Variants in TANC2 observed in about 807,000 individuals in gnomAD.
The protein encoded by TANC2 is tetratricopeptide repeat, ankyrin repeat and coiled-coil containing 2, also known as protein TANC2.
TANC2 carries 26 observed loss-of-function variants against 210.5 expected under a neutral mutation model. The ratio of observed to expected loss-of-function variants is 0.12; its 90% CI spans 0.09 to 0.17. The LOEUF is 0.17. Among genes scored for constraint, TANC2 ranks in the 10% least tolerant of loss-of-function variants. TANC2 has a pLI of 1.00. For synonymous variants in TANC2, 931 were observed against 967.1 expected, an observed-to-expected ratio of 0.96 and a Z score of 0.69; for missense variants, 2,129 against 2,608.9, an observed-to-expected ratio of 0.82 and a Z score of 4.01.
chr17:63,028,389 C>T (rs2034637693), intron 2 of TANC2, among the ~76,000 whole-genome samples: 5 of 152,090 alleles, frequency 3.3e-5, no homozygotes, highest in Admixed American at 2.6e-4. Context: ...CAGATTTTTA[C>T]ATGTATGCCT....
intron 7 of TANC2, among the ~76,000 whole-genome samples, chr17:63,201,722 A>C (rs1364831876): frequency 6.6e-6 from 1 of 152,088 alleles, no homozygotes; most frequent in African/African-American, 2.4e-5. Flanking sequence ...GCAGAAACTA[A>C]AACCACTCTG....
chr17:63,336,998 T>C (rs1161442979), intron 11 of TANC2, among the ~76,000 whole-genome samples: 1 of 152,160 alleles, frequency 6.6e-6, no homozygotes, highest in Non-Finnish European at 1.5e-5. Flanking sequence ...AAAATCTACA[T>C]TTTCAGGCTT....
At chr17:63,136,887 G>C (rs897051532) in intron 4 of TANC2, among the ~76,000 whole-genome samples, 2 of 152,118 alleles carry the variant, frequency 1.3e-5, no homozygotes, top group East Asian at 3.9e-4. Flanking sequence ...ATTGAGATCA[G>C]AGATTGAGGC....
chr17:63,329,929 A>T (rs750748670), intron 11 of TANC2, among the ~76,000 whole-genome samples: 5 of 152,264 alleles, frequency 3.3e-5, no homozygotes, highest in Non-Finnish European at 7.3e-5. Context: ...GGCATGTCAA[A>T]AACCCAAAAT....
intron 5 of TANC2, among the ~76,000 whole-genome samples, chr17:63,165,354 A>G (rs1014365806): frequency 6.6e-6 from 1 of 152,108 alleles, no homozygotes; most frequent in African/African-American, 2.4e-5. Flanking sequence ...TACCTGGTTT[A>G]GTGTGTCTTC....
At chr17:63,392,507 C>G (rs1003474548) in intron 17 of TANC2, among the ~76,000 whole-genome samples, 5 of 152,174 alleles carry the variant, frequency 3.3e-5, no homozygotes, top group African/African-American at 4.8e-5. Flanking sequence ...GCTTGAGAAG[C>G]TACTCCTTGG....
chr17:63,282,345 GATATT>G (rs751084100), intron 9 of TANC2, among the ~76,000 whole-genome samples: 3 of 151,938 alleles, frequency 2.0e-5, no homozygotes, highest in Admixed American at 6.6e-5. Context: ...AATATAAAGA[GATATT>G]ATATATGCCA....
chr17:63,399,984 C>T (rs1362137802), intron 19 of TANC2, among the ~76,000 whole-genome samples: 1 of 152,206 alleles, frequency 6.6e-6, no homozygotes, highest in East Asian at 1.9e-4. Flanking sequence ...GGAAAGTGTA[C>T]AGCTGGAAAC....
At chr17:63,123,014 C>T (rs898401630) in intron 4 of TANC2, among the ~76,000 whole-genome samples, 11 of 152,000 alleles carry the variant, frequency 7.2e-5, no homozygotes, top group Admixed American at 3.3e-4. Flanking sequence ...ACCAAAATGA[C>T]GAAGCCATTA....
At chr17:63,096,507 G>A (rs1046757677) in intron 3 of TANC2, among the ~76,000 whole-genome samples, 6 of 152,110 alleles carry the variant, frequency 3.9e-5, no homozygotes, top group African/African-American at 1.4e-4. Flanking sequence ...ATACAAATGT[G>A]GTCTTTTGTG....
intron 4 of TANC2, among the ~76,000 whole-genome samples, chr17:63,108,006 A>G (rs1257449852): frequency 6.6e-6 from 1 of 151,848 alleles, no homozygotes; most frequent in African/African-American, 2.4e-5. Context: ...AACATTAGCA[A>G]TGAAAGGGAA....
At chr17:63,006,436 T>C (rs2033629284) in intron 1 of TANC2, among the ~76,000 whole-genome samples, 1 of 152,172 alleles carries the variant, frequency 6.6e-6, no homozygotes, top group African/African-American at 2.4e-5. Flanking sequence ...AGTTTTATCC[T>C]ATGAGTTCCC....
At chr17:63,108,405 AAT>A (rs1369599171) in intron 4 of TANC2, among the ~76,000 whole-genome samples, 1 of 151,858 alleles carries the variant, frequency 6.6e-6, no homozygotes, top group Admixed American at 6.5e-5. Flanking sequence ...ATGTAAAGTT[AAT>A]ATGTGTCAAG....
intron 4 of TANC2, among the ~76,000 whole-genome samples, chr17:63,147,621 C>G (rs1316279465): frequency 6.6e-6 from 1 of 152,140 alleles, no homozygotes; most frequent in African/African-American, 2.4e-5. Context: ...GAGGCCTGAT[C>G]ATTTGCATTT....
At chr17:63,020,564 T>TA (rs1439557746) in intron 2 of TANC2, among the ~76,000 whole-genome samples, 3 of 152,202 alleles carry the variant, frequency 2.0e-5, no homozygotes. Context: ...TGTCAACAAA[T>TA]ATTTATTCAT....
chr17:63,272,554 C>T (rs2043744750), intron 9 of TANC2, among the ~76,000 whole-genome samples: 1 of 152,088 alleles, frequency 6.6e-6, no homozygotes, highest in African/African-American at 2.4e-5. Flanking sequence ...GGCAGTATGG[C>T]CATTTTAACG....
chr17:63,067,594 A>G (rs75181882), intron 2 of TANC2, among the ~76,000 whole-genome samples: 4,504 of 152,130 alleles, frequency 0.03, 83 homozygotes, highest in South Asian at 0.037. Context: ...ATAAAGTCTT[A>G]AGAAAGAAAT....
chr17:63,268,488 A>T (rs2043597870), intron 9 of TANC2, among the ~76,000 whole-genome samples: 1 of 152,222 alleles, frequency 6.6e-6, no homozygotes, highest in Admixed American at 6.5e-5. Context: ...TATCACCAAG[A>T]TCTTTCATTA....
At chr17:63,363,915 T>A (rs963628669) in intron 14 of TANC2, among the ~76,000 whole-genome samples, 10 of 152,248 alleles carry the variant, frequency 6.6e-5, no homozygotes, top group African/African-American at 2.2e-4. Context: ...AGTCTAGACA[T>A]TCTTCACTTC....
Sources: gnomAD v4.1 joint callset for allele counts (sites outside exome capture counted in the v4.1 genomes callset) on GRCh38, gnomAD v4.1.1 for gene constraint, MANE v1.5 for transcripts, NCBI Gene and HGNC (gene_info 2026-07-23, HGNC 2026-07-21) for gene names.